LMX1A: variants seen among roughly 807,000 people sequenced by gnomAD.
LMX1A encodes LIM homeobox transcription factor 1-alpha.
LMX1A carries 15 observed loss-of-function variants against 49.1 expected under a neutral mutation model. The observed-to-expected ratio is 0.31, with a 90% CI of 0.20 to 0.47. The LOEUF is 0.47. Ranked by LOEUF, LMX1A falls within the 20% of genes least tolerant of loss-of-function variation. The pLI is 1.00. For missense variants in LMX1A, 372 were observed against 475.8 expected (o/e 0.78, Z 2.03); for synonymous variants, 167 against 185.7 (o/e 0.90, Z 0.82).
At chr1:165,266,695 G>A (rs1315572516) in intron 3 of LMX1A, among the ~76,000 whole-genome samples, 7 of 132,490 alleles carry the variant, frequency 5.3e-5, no homozygotes, top group Admixed American at 2.7e-4. Context: ...TCCGCCTCCC[G>A]GGTTCACGCC....
chr1:165,258,258 C>T lies in LMX1A; in HGVS notation c.264-8618G>A, dbSNP rs943219014. On this transcript the variant is annotated intron_variant, in intron 3 of 8. Coordinates refer to ENST00000342310, the MANE Select transcript of LMX1A (RefSeq NM_177398.4). ...GAGTCTGGGAGACCATGTGGCTAAA[C>T]TGAAGGAGAGATGGTGAGAGAAGGG... Among the ~76,000 whole-genome samples, 7 of 152,306 alleles carry T rather than the reference C, an allele frequency of 4.6e-5. No homozygotes were observed. The East Asian group carries it at 7.7e-4, about 17-fold the overall frequency.
chr1:165,336,202 G>A (rs911193125), intron 3 of LMX1A, among the ~76,000 whole-genome samples: 5 of 151,962 alleles, frequency 3.3e-5, no homozygotes, highest in Non-Finnish European at 7.4e-5. Flanking sequence ...CAGGGGTGGG[G>A]TGGGGTTTGG....
rs73013425 is a variant in LMX1A, at chr1:165,275,945, G to T, written c.264-26305C>A. Among the ~76,000 whole-genome samples, 595 of 151,614 alleles carry T rather than the reference G, an allele frequency of 3.9e-3. 4 individuals carry two copies. Among genetic ancestry groups the T allele is most frequent in the African/African-American group, 0.014 (563 of 41,342 alleles). On this transcript the variant is annotated intron_variant, in intron 3 of 8. Coordinates refer to ENST00000342310, the MANE Select transcript of LMX1A (RefSeq NM_177398.4). Reference sequence around the variant, plus strand: ...AACTCAGAGAATGAGAGCAGACTGGGGCTAGGCAAGGAGATGGCCACAACT... The same window carrying T: ...AACTCAGAGAATGAGAGCAGACTGGTGCTAGGCAAGGAGATGGCCACAACT...
Position 165,213,838 on chromosome 1 carries a change from G to T in LMX1A, c.497-25C>A, listed in dbSNP as rs1651531552. ...CCTGAAAGAAGCAAAAGACAATGTT[G>T]TGAGTCCCTGAAAGCCAGTTCCTGG... On this transcript the variant is annotated intron_variant, in intron 4 of 8. Transcript: ENST00000342310. The T allele has an allele frequency of 1.9e-6, 3 of 1,610,550 alleles. No homozygotes were observed. In the South Asian group the frequency reaches 3.3e-5, roughly 18 times the overall value.
At chr1:165,236,620 C>T (rs932697164) in intron 4 of LMX1A, among the ~76,000 whole-genome samples, 6 of 152,202 alleles carry the variant, frequency 3.9e-5, no homozygotes, top group East Asian at 1.9e-4. Context: ...CAAAATACTG[C>T]GTTCTCTTCT....
intron 4 of LMX1A, among the ~76,000 whole-genome samples, chr1:165,241,559 A>C (rs1320779834): frequency 6.6e-6 from 1 of 150,836 alleles, no homozygotes; most frequent in African/African-American, 2.4e-5. Context: ...TAGGGAAAGC[A>C]TCAAAGACCT....
At chr1:165,221,962 C>T (rs780925522) in intron 4 of LMX1A, among the ~76,000 whole-genome samples, 27 of 151,820 alleles carry the variant, frequency 1.8e-4, no homozygotes, top group African/African-American at 2.7e-4. Flanking sequence ...CACACACACA[C>T]GCTTTCTCTC....
intron 8 of LMX1A, 129 bp from the exon 9 acceptor site, chr1:165,204,169 C>G (rs951680593): frequency 2.1e-5 from 20 of 948,042 alleles, no homozygotes; most frequent in East Asian, 2.0e-4. Flanking sequence ...TACAAAAAGT[C>G]TATATTCTCT....
At chr1:165,226,574 C>T (rs949814286) in intron 4 of LMX1A, among the ~76,000 whole-genome samples, 1 of 152,140 alleles carries the variant, frequency 6.6e-6, no homozygotes, top group Non-Finnish European at 1.5e-5. Flanking sequence ...AAAAAACTTG[C>T]CATTGTGGGT....
chr1:165,251,246 C>T (rs537017494), intron 3 of LMX1A, among the ~76,000 whole-genome samples: 1 of 152,184 alleles, frequency 6.6e-6, no homozygotes, highest in Admixed American at 6.5e-5. Flanking sequence ...CCATGCCCAG[C>T]TAATTTTTGT....
chr1:165,334,884 G>A (rs566733561), intron 3 of LMX1A, among the ~76,000 whole-genome samples: 62 of 152,150 alleles, frequency 4.1e-4, no homozygotes, highest in African/African-American at 1.4e-3. Context: ...ATAGCCCAAC[G>A]CAGTCAGTCT....
At chr1:165,271,057 C>T (rs60019909) in intron 3 of LMX1A, among the ~76,000 whole-genome samples, 12,425 of 152,190 alleles carry the variant, frequency 0.082, 586 homozygotes, top group East Asian at 0.16. Flanking sequence ...ATATTTCCCA[C>T]CCAGGGATGA....
At chr1:165,216,940 G>A (rs1292180733) in intron 4 of LMX1A, among the ~76,000 whole-genome samples, 1 of 152,038 alleles carries the variant, frequency 6.6e-6, no homozygotes, top group African/African-American at 2.4e-5. Context: ...AATTAAATGG[G>A]ATGATATATG....
At chr1:165,314,205 C>G (rs546362503) in intron 3 of LMX1A, among the ~76,000 whole-genome samples, 2 of 152,146 alleles carry the variant, frequency 1.3e-5, no homozygotes, top group Non-Finnish European at 2.9e-5. Flanking sequence ...GGAGTGACAG[C>G]GTGAGGACAG....
At position 165,203,517 on chromosome 1, in the gene LMX1A, G is replaced by A. The variant is rs763520327; in HGVS notation, c.*363C>T. On this transcript the variant is annotated 3_prime_UTR_variant, in exon 9 of 9. Transcript: ENST00000342310. ...TATCTGTCCTTCTGTCTATTGGTGT[G>A]TAGATGGATAGACATATGCACCTCT... The A allele has an allele frequency of 2.8e-5, 5 of 177,374 alleles. No individual in the cohort carries two copies. Among genetic ancestry groups the A allele is most frequent in the Non-Finnish European group, 6.1e-5 (5 of 82,442 alleles). The allele number at this position is 177,374 out of a possible 1,614,324, so 11.0% of individuals were successfully genotyped here.
chr1:165,206,802 C>T lies in LMX1A; in HGVS notation c.818-768G>A, dbSNP rs76756974. 6.1e-3 allele frequency among the ~76,000 whole-genome samples: 934 copies of T among 152,282 alleles called. 51 individuals carry two copies. The East Asian group carries it at 0.13, about 21-fold the overall frequency. On this transcript the variant is annotated intron_variant, in intron 7 of 8. Transcript: ENST00000342310. Reference sequence around the variant, plus strand: ...GAATTCAGATCTAACCAGCTTCCTGCTCCACCCTTCCCCACACCTATGCCC... The same window carrying T: ...GAATTCAGATCTAACCAGCTTCCTGTTCCACCCTTCCCCACACCTATGCCC...
chr1:165,304,629 T>A (rs1654872069), intron 3 of LMX1A, among the ~76,000 whole-genome samples: 1 of 152,004 alleles, frequency 6.6e-6, no homozygotes, highest in African/African-American at 2.4e-5. Flanking sequence ...GTCATTCCCC[T>A]GCTTCAAGCT....
intron 8 of LMX1A, 79 bp downstream of exon 8, chr1:165,205,785 A>G: frequency 7.3e-7 from 1 of 1,362,950 alleles, no homozygotes. Flanking sequence ...GCATCTGGGA[A>G]CTGCCTAGAT....
At chr1:165,299,603 G>A (rs1654715716) in intron 3 of LMX1A, among the ~76,000 whole-genome samples, 1 of 152,148 alleles carries the variant, frequency 6.6e-6, no homozygotes, top group African/African-American at 2.4e-5. Context: ...AATCCAGAAG[G>A]TTTAGTAAAA....
Sources: gnomAD v4.1 joint callset for allele counts (sites outside exome capture counted in the v4.1 genomes callset) on GRCh38, gnomAD v4.1.1 for gene constraint, MANE v1.5 for transcripts, NCBI Gene and HGNC (gene_info 2026-07-23, HGNC 2026-07-21) for gene names.